The following UGT1A8 variants were observed in gnomAD, a reference collection of about 807,000 sequenced individuals.
The protein encoded by UGT1A8 is UDP-glucuronosyltransferase 1A8.
In UGT1A8, 39 loss-of-function variants were observed where a neutral mutation model predicts 45.3. That is an observed-to-expected ratio of 0.86 (90% confidence interval 0.67 to 1.12). The LOEUF is 1.12. UGT1A8 is among the 50% of genes most tolerant of loss of function. The pLI is 0.00. For missense variants in UGT1A8, 719 were observed against 664.9 expected, an observed-to-expected ratio of 1.08 and a Z score of -0.90; for synonymous variants, 275 against 249.2, an observed-to-expected ratio of 1.10 and a Z score of -0.97.
In UGT1A8 at chr2:233,736,220, T is replaced by C. The variant is rs542508391; in HGVS notation, c.856-30814T>C. On this transcript the variant is annotated intron_variant, in intron 1 of 4. Coordinates refer to ENST00000373450, the MANE Select transcript of UGT1A8 (RefSeq NM_019076.5). ...GGCTTTCCTTGTTTCTTTTTACTCT[T>C]TTTTCTCTAACCTTGTCTTCTCACT... is the stretch of plus-strand genomic sequence containing the variant. Among the ~76,000 whole-genome samples the C allele has an allele frequency of 2.6e-5, 4 of 152,348 alleles. No homozygotes were observed. The East Asian group carries it at 7.7e-4, about 29-fold the overall frequency.
At chr2:233,742,982 A>G (rs555126231) in intron 1 of UGT1A8, 1 of 227,728 alleles carries the variant, frequency 4.4e-6, no homozygotes, top group South Asian at 6.4e-5. Context: ...TAAGTTTAAT[A>G]AATAGCAAAT....
intron 1 of UGT1A8, chr2:233,671,783 T>G (rs2074199373): frequency 7.1e-7 from 1 of 1,403,588 alleles, no homozygotes; most frequent in Admixed American, 2.9e-5. Context: ...CTTGTTCTTT[T>G]GGGTAAATCA....
At chr2:233,688,930 C>T (rs2074919924) in intron 1 of UGT1A8, among the ~76,000 whole-genome samples, 1 of 152,140 alleles carries the variant, frequency 6.6e-6, no homozygotes, top group African/African-American at 2.4e-5. Flanking sequence ...GGGAAGATGG[C>T]AGGTGCAGCA....
rs77053267 is a variant in UGT1A8, at chr2:233,743,791, C to T, written c.856-23243C>T. 1,068 of 1,367,342 alleles carry T rather than the reference C, an allele frequency of 7.8e-4. 34 individuals are homozygous for T. In the African/African-American group the frequency reaches 0.014, roughly 18 times the overall value. The allele number at this position is 1,367,342 out of a possible 1,614,324, so 84.7% of individuals were successfully genotyped here. On this transcript the variant is annotated intron_variant, in intron 1 of 4. Coordinates refer to ENST00000373450, the MANE Select transcript of UGT1A8 (RefSeq NM_019076.5). The stretch of plus-strand genomic sequence containing the variant: ...CGGCCACCTGCTTGAATCTCCTCTC[C>T]GCTTCCTCCTTGTTCTCAGGGTTTT...
chr2:233,719,924 C>T (rs1442690759), intron 1 of UGT1A8, among the ~76,000 whole-genome samples: 2 of 152,124 alleles, frequency 1.3e-5, no homozygotes, highest in Admixed American at 6.5e-5. Context: ...CTGTGACTCA[C>T]GGACAGTGTT....
intron 1 of UGT1A8, among the ~76,000 whole-genome samples, chr2:233,664,498 C>G (rs1455516887): frequency 6.6e-6 from 1 of 152,196 alleles, no homozygotes; most frequent in Non-Finnish European, 1.5e-5. Flanking sequence ...ATTTTGCAGG[C>G]TGTACAAGCA....
intron 1 of UGT1A8, among the ~76,000 whole-genome samples, chr2:233,677,830 T>C (rs993863902): frequency 1.3e-5 from 2 of 151,152 alleles, no homozygotes; most frequent in African/African-American, 4.9e-5. Flanking sequence ...TTACTAGATA[T>C]ATGTAAAAAA....
At chr2:233,740,990 G>A (rs1192365077) in intron 1 of UGT1A8, 1 of 151,728 alleles carries the variant, frequency 6.6e-6, no homozygotes, top group East Asian at 1.9e-4. Context: ...GGAATGCTGA[G>A]GAGGAAGGAT....
intron 1 of UGT1A8, among the ~76,000 whole-genome samples, chr2:233,724,141 C>T (rs1432728282): frequency 6.1e-5 from 7 of 115,170 alleles, no homozygotes; most frequent in African/African-American, 2.0e-4. Context: ...CCGGACGGGG[C>T]GGCTGGCCGG....
rs773318792 is a variant in UGT1A8 at position 233,769,599 on chromosome 2, C to T, written c.1295+1160C>T. 17 of 1,612,664 alleles carry T rather than the reference C, an allele frequency of 1.1e-5. No individual in the cohort carries two copies. Among genetic ancestry groups the T allele is most frequent in the South Asian group, 2.2e-5 (2 of 91,048 alleles). ...TGTTCAGATGAGAGGAGACGGAACACGGGGACACACCAGCTTGAGCAAGGG... is the reference window on the plus strand; with the variant it reads ...TGTTCAGATGAGAGGAGACGGAACATGGGGACACACCAGCTTGAGCAAGGG... On this transcript the variant is annotated intron_variant, in intron 4 of 4. Coordinates refer to ENST00000373450, the MANE Select transcript of UGT1A8 (RefSeq NM_019076.5). The surrounding 1 kb of genome is among the most constrained non-coding windows in gnomAD (Gnocchi z 4.4).
chr2:233,646,279 G>A (rs909292821), intron 1 of UGT1A8, among the ~76,000 whole-genome samples: 1 of 151,988 alleles, frequency 6.6e-6, no homozygotes, highest in African/African-American at 2.4e-5. Flanking sequence ...GGCCTGTGAT[G>A]GGAGGGACTG....
At chr2:233,690,756 G>GACACAC (rs549764192) in intron 1 of UGT1A8, 2 of 1,106,976 alleles carry the variant, frequency 1.8e-6, no homozygotes, top group African/African-American at 4.7e-5. Flanking sequence ...GTCCAGTGCA[G>GACACAC]ACATACACAC....
intron 1 of UGT1A8, among the ~76,000 whole-genome samples, chr2:233,734,585 A>G (rs1334930397): frequency 1.3e-5 from 2 of 151,422 alleles, no homozygotes; most frequent in African/African-American, 4.9e-5. Context: ...TTGCTTATCT[A>G]GTTCTTTTAT....
At chr2:233,745,083 C>T (rs1426787719) in intron 1 of UGT1A8, among the ~76,000 whole-genome samples, 3 of 151,660 alleles carry the variant, frequency 2.0e-5, no homozygotes, top group East Asian at 3.8e-4. Flanking sequence ...TTTTTCATTG[C>T]TCTTCCCCCC....
chr2:233,669,467 C>G (rs1252393183), intron 1 of UGT1A8, among the ~76,000 whole-genome samples: 1 of 152,156 alleles, frequency 6.6e-6, no homozygotes, highest in South Asian at 2.1e-4. Flanking sequence ...TTATTCAGGT[C>G]TCTCACCAAT....
At chr2:233,656,944 G>A (rs1371307527) in intron 1 of UGT1A8, among the ~76,000 whole-genome samples, 1 of 148,630 alleles carries the variant, frequency 6.7e-6, no homozygotes, top group Non-Finnish European at 1.5e-5. Flanking sequence ...TTCCTTTCCT[G>A]TGAGTCTTCC....
intron 1 of UGT1A8, among the ~76,000 whole-genome samples, chr2:233,739,348 G>C (rs1455435875): frequency 6.6e-6 from 1 of 152,152 alleles, no homozygotes. Context: ...GAACCCAGAA[G>C]GGCAGATCCA....
intron 1 of UGT1A8, chr2:233,747,528 T>C: frequency 6.2e-7 from 1 of 1,605,898 alleles, no homozygotes; most frequent in Non-Finnish European, 8.5e-7. Context: ...AACAGAACAT[T>C]TTCTGAAGAC....
chr2:233,758,615 C>CA (rs1696924799), intron 1 of UGT1A8, among the ~76,000 whole-genome samples: 1 of 152,110 alleles, frequency 6.6e-6, no homozygotes, highest in Non-Finnish European at 1.5e-5. Flanking sequence ...TGTGCATGTG[C>CA]ATGCAAAGTA....
Sources: gnomAD v4.1 joint callset for allele counts (sites outside exome capture counted in the v4.1 genomes callset) on GRCh38, gnomAD v4.1.1 for gene constraint, Gnocchi (gnomAD v3.1) non-coding constraint, MANE v1.5 for transcripts, NCBI Gene and HGNC (gene_info 2026-07-23, HGNC 2026-07-21) for gene names.